The following PEG3 variants were observed in gnomAD, a reference collection of about 807,000 sequenced individuals.
The protein encoded by PEG3 is paternally expressed 3.
In PEG3, 23 loss-of-function variants were observed where a neutral mutation model predicts 35.5. The observed-to-expected ratio is 0.65, with a 90% CI of 0.47 to 0.92. The LOEUF is 0.92. Among genes scored for constraint, PEG3 ranks in the 40% least tolerant of loss-of-function variants. The pLI is 0.00. For missense variants in PEG3, 1,960 were observed against 1,985.3 expected (o/e 0.99, Z 0.24); for synonymous variants, 707 against 697.0 (o/e 1.01, Z -0.23).
At position 56,814,332 on chromosome 19, in the gene PEG3, T is replaced by TGCTGCTGCTGCA. The variant is rs765862516; in HGVS notation, c.4098_4109dup (p.Ala1368_Ala1371dup). On this transcript the variant is annotated inframe_insertion, in exon 10 of 10. Coordinates refer to ENST00000326441, the MANE Select transcript of PEG3 (RefSeq NM_006210.3). This position sits in a 1 kb window ranked among gnomAD's most constrained non-coding sequence, Gnocchi z 5.8. Reference sequence around the variant, plus strand: ...GGACATTGGCTTCAACTTCCTGGGCTGCTGCTGCTGCAGCTGCTGCTGCTT... The same window carrying TGCTGCTGCTGCA: ...GGACATTGGCTTCAACTTCCTGGGCTGCTGCTGCTGCAGCTGCTGCTGCAGCTGCTGCTGCTT... 6.2e-6 allele frequency: 10 copies of TGCTGCTGCTGCA among 1,612,384 alleles called. No individual in the cohort carries two copies. The highest frequency in any genetic ancestry group is 2.2e-5 in the East Asian group (1 of 44,872).
intron 9 of PEG3, 72 bp from the exon 10 acceptor site, chr19:56,817,651 C>A: frequency 6.6e-7 from 1 of 1,513,886 alleles, no homozygotes; most frequent in Non-Finnish European, 9.1e-7. Flanking sequence ...GAGGGGTGCA[C>A]CCTTCTGTGA....
rs776749398 is a variant in PEG3, at chr19:56,817,541, G to C, written c.901C>G (p.Arg301Gly). ...GATTCATCTTCACAAATCCCCCGCC[G>C]GTGGGTTGATTTTTTGGCTTCAGGC... ...TMPEAKKSTH[R>G]RGICEDESSH... is the part of the protein sequence containing the mutation. Residue 301 changes from arginine (R) to glycine (G), a missense_variant, in exon 10 of 10, where the codon CGG becomes GGG. By Grantham distance (125) the Arg-to-Gly change is moderately radical (BLOSUM62 -2). Coordinates refer to ENST00000326441, the MANE Select transcript of PEG3 (RefSeq NM_006210.3). 1.9e-6 allele frequency: 3 copies of C among 1,598,592 alleles called. No individual in the cohort carries two copies. The South Asian group carries it at 3.4e-5, about 18-fold the overall frequency.
intron 3 of PEG3, among the ~76,000 whole-genome samples, chr19:56,825,225 TCTTCC>T (rs1483684417): frequency 2.0e-5 from 3 of 152,222 alleles, no homozygotes; most frequent in Non-Finnish European, 4.4e-5. Context: ...CCCTAACATT[TCTTCC>T]CTTAACACAA....
At chr19:56,825,904 T>C (rs565631867) in intron 3 of PEG3, among the ~76,000 whole-genome samples, 12 of 152,328 alleles carry the variant, frequency 7.9e-5, no homozygotes, top group African/African-American at 2.6e-4. Context: ...AATGTGGTAA[T>C]CACGGTAAAC....
chr19:56,833,268 C>T (rs2061752486), intron 2 of PEG3: 2 of 459,786 alleles, frequency 4.3e-6, no homozygotes, highest in Non-Finnish European at 4.4e-6. Context: ...CTAGATTCAG[C>T]CCCCTAACTC....
At position 56,828,963 on chromosome 19, in the gene PEG3, T is replaced by TA. The variant is rs570640342; in HGVS notation, c.-162-2501dup. Among the ~76,000 whole-genome samples the TA allele has an allele frequency of 3.0e-4, 45 of 151,876 alleles. No homozygotes were observed. The South Asian group carries it at 6.2e-3, about 21-fold the overall frequency. On this transcript the variant is annotated intron_variant, in intron 2 of 9. Coordinates refer to ENST00000326441, the MANE Select transcript of PEG3 (RefSeq NM_006210.3). ...CATTTTGGCCACTGTTTAAAGATAC[T>TA]AAAAAAAACACCTACTTCTTTTGAA... is the stretch of plus-strand genomic sequence containing the variant.
chr19:56,815,566 T>C lies in PEG3; in HGVS notation c.2876A>G (p.Glu959Gly). 3 of 1,614,112 alleles carry C rather than the reference T, an allele frequency of 1.9e-6. No individual in the cohort carries two copies. Among genetic ancestry groups the C allele is most frequent in the Non-Finnish European group, 2.5e-6 (3 of 1,179,958 alleles). ...TSVIHSLPFGEQTFRPRGMLY... is the reference protein window; with the variant it reads ...TSVIHSLPFGGQTFRPRGMLY... ...CATCCCTCGAGGGCGAAATGTTTGTTCACCAAAAGGCAGAGAGTGAATTAC... is the reference window on the plus strand; with the variant it reads ...CATCCCTCGAGGGCGAAATGTTTGTCCACCAAAAGGCAGAGAGTGAATTAC... The change falls in exon 10 of 10, where the codon GAA (glutamate) becomes GGA (glycine). Residue 959 changes from glutamate to glycine, a missense_variant. Physicochemically the swap from Glu to Gly is moderately conservative, Grantham distance 98. Transcript: ENST00000326441.
intron 2 of PEG3, among the ~76,000 whole-genome samples, chr19:56,835,735 C>A (rs928416359): frequency 5.9e-5 from 9 of 152,208 alleles, no homozygotes; most frequent in African/African-American, 2.2e-4. Context: ...GTGGATGAAT[C>A]TCTCATGCTT....
In PEG3 at chr19:56,817,465, G is replaced by A; in HGVS notation, c.977C>T (p.Ser326Phe). 6.2e-7 allele frequency: 1 copy of A among 1,613,848 alleles called. No homozygotes were observed. The highest frequency in any genetic ancestry group is 8.5e-7 in the Non-Finnish European group (1 of 1,179,818). Residue 326 changes from serine (S) to phenylalanine (F), a missense_variant, in exon 10 of 10, where the codon TCC becomes TTC. This residue lies in a region of PEG3 where 613 missense variants were observed against 577.1 expected (regional missense o/e 1.06). Coordinates refer to ENST00000326441, the MANE Select transcript of PEG3 (RefSeq NM_006210.3). ...TGACTCCCTTGCTCTTCCCGATTTG[G>A]AACTGCGTGACACATCCTTGATGAA... ...EKFIKDVSRSSKSGRARESSD... is the reference protein window; with the variant it reads ...EKFIKDVSRSFKSGRARESSD...
chr19:56,822,701 C>T, intron 6 of PEG3, 52 bp downstream of exon 6: 1 of 1,603,968 alleles, frequency 6.2e-7, no homozygotes, highest in Non-Finnish European at 8.5e-7. Flanking sequence ...TGAACCTGTG[C>T]ACAGCACATG....
chr19:56,837,534 T>G (rs929454263), intron 1 of PEG3, among the ~76,000 whole-genome samples: 4 of 152,234 alleles, frequency 2.6e-5, no homozygotes, highest in Non-Finnish European at 5.9e-5. Flanking sequence ...GCTGCACAGC[T>G]GAACCCGCCC....
At position 56,813,239 on chromosome 19, in the gene PEG3, C is replaced by A; in HGVS notation, c.*436G>T. 1 of 979,814 alleles carries A rather than the reference C, an allele frequency of 1.0e-6. No individual in the cohort carries two copies. The highest frequency in any genetic ancestry group is 4.7e-5 in the South Asian group (1 of 21,164). 60.7% of individuals were successfully genotyped at this position (979,814 alleles called of 1,614,324 possible). A position where few individuals can be genotyped will look rare whatever the true frequency, so the allele number is the denominator to read the frequency against. Reference sequence around the variant, plus strand: ...AATTCAAAGAATACCAGGTAAGGTACCTCTGCAGAGTAAACTGTAACTGTA... The same window carrying A: ...AATTCAAAGAATACCAGGTAAGGTAACTCTGCAGAGTAAACTGTAACTGTA... On this transcript the variant is annotated 3_prime_UTR_variant, in exon 10 of 10. Coordinates refer to ENST00000326441, the MANE Select transcript of PEG3 (RefSeq NM_006210.3).
At chr19:56,824,816 G>A (rs1192680597) in intron 3 of PEG3, 75 bp from the exon 4 acceptor site, 1 of 647,400 alleles carries the variant, frequency 1.5e-6, no homozygotes, top group Non-Finnish European at 2.6e-6. Flanking sequence ...CCTTACCAGA[G>A]GCATCGACAA....
intron 2 of PEG3, among the ~76,000 whole-genome samples, chr19:56,827,330 G>A (rs2061140372): frequency 6.6e-6 from 1 of 152,002 alleles, no homozygotes; most frequent in African/African-American, 2.4e-5. Flanking sequence ...ACATGCTCAA[G>A]ATTTTCTGAC....
chr19:56,811,628 T>C lies in PEG3; in HGVS notation c.*2047A>G, dbSNP rs1270573236. 3 of 985,376 alleles carry C rather than the reference T, an allele frequency of 3.0e-6. No individual in the cohort carries two copies. The highest frequency in any genetic ancestry group is 9.4e-5 in the South Asian group (2 of 21,284). The allele number at this position is 985,376 out of a possible 1,614,324, so 61.0% of individuals were successfully genotyped here. ...TGCCAACAATGTTAACACCAAGTAA[T>C]GTACCCACAAAGTTCACCCCGACAT... On this transcript the variant is annotated 3_prime_UTR_variant, in exon 10 of 10. Coordinates refer to ENST00000326441, the MANE Select transcript of PEG3 (RefSeq NM_006210.3).
intron 5 of PEG3, 74 bp downstream of exon 5, chr19:56,823,519 C>A: frequency 1.9e-6 from 3 of 1,585,116 alleles, no homozygotes; most frequent in Non-Finnish European, 2.6e-6. Flanking sequence ...GAGGCCCCAA[C>A]CCACTGTGTC....
chr19:56,813,110 T>C lies in PEG3; in HGVS notation c.*565A>G. 1 of 984,242 alleles carries C rather than the reference T, an allele frequency of 1.0e-6. No individual in the cohort carries two copies. Among genetic ancestry groups the C allele is most frequent in the African/African-American group, 1.7e-5 (1 of 57,200 alleles). 61.0% of individuals were successfully genotyped at this position (984,242 alleles called of 1,614,324 possible). ...GAAACAAAACAATTACTCAAAAAGA[T>C]ATTGACAGGGTTCAAATAATGCACA... On this transcript the variant is annotated 3_prime_UTR_variant, in exon 10 of 10. Coordinates refer to ENST00000326441, the MANE Select transcript of PEG3 (RefSeq NM_006210.3).
chr19:56,827,414 C>A (rs2061151713), intron 2 of PEG3, among the ~76,000 whole-genome samples: 1 of 151,314 alleles, frequency 6.6e-6, no homozygotes, highest in Non-Finnish European at 1.5e-5. Flanking sequence ...ACAGAAAAAC[C>A]TTAAAAAAAA....
At chr19:56,831,418 T>C (rs2061558883) in intron 2 of PEG3, among the ~76,000 whole-genome samples, 1 of 152,230 alleles carries the variant, frequency 6.6e-6, no homozygotes, top group African/African-American at 2.4e-5. Flanking sequence ...ACCTCAGTGT[T>C]TGGTTACTCA....
Sources: gnomAD v4.1 joint callset for allele counts (sites outside exome capture counted in the v4.1 genomes callset) on GRCh38, gnomAD v4.1.1 for gene constraint, gnomAD v4.1.1 regional missense constraint, Gnocchi (gnomAD v3.1) non-coding constraint, MANE v1.5 for transcripts, NCBI Gene and HGNC (gene_info 2026-07-23, HGNC 2026-07-21) for gene names.